Variants in SPON1 observed in about 807,000 individuals in gnomAD.
The protein encoded by SPON1 is spondin 1.
Under a neutral mutation model 111.7 loss-of-function variants are expected in SPON1, and 52 were observed. The observed-to-expected ratio is 0.47, with a 90% confidence interval of 0.37 to 0.59. The LOEUF is 0.59. Ranked by LOEUF, SPON1 falls within the 20% of genes least tolerant of loss-of-function variation. The pLI is 0.00. For synonymous variants in SPON1, 410 were observed against 395.8 expected (o/e 1.04, Z -0.43); for missense variants, 957 against 1,068.5 (o/e 0.90, Z 1.46).
chr11:14,267,026 T>A lies in SPON1; in HGVS notation c.*1339T>A, dbSNP rs1303323111. The A allele has an allele frequency of 1.3e-5, 2 of 152,254 alleles. No individual in the cohort carries two copies. Among genetic ancestry groups the A allele is most frequent in the Non-Finnish European group, 2.9e-5 (2 of 68,048 alleles). The allele number at this position is 152,254 out of a possible 1,614,324, so 9.4% of individuals were successfully genotyped here. ...TTATTGTTGAAAACTATTGTTTCAT[T>A]TCTTCTTTTATAGGCCTTATTACTG... On this transcript the variant is annotated 3_prime_UTR_variant, in exon 16 of 16. Coordinates refer to ENST00000576479, the MANE Select transcript of SPON1 (RefSeq NM_006108.4).
intron 3 of SPON1, among the ~76,000 whole-genome samples, chr11:14,057,844 C>CAAAACAAAAAAA (rs1554919409): frequency 3.2e-5 from 4 of 125,454 alleles, no homozygotes; most frequent in Non-Finnish European, 5.0e-5. Flanking sequence ...AAAAAAAAAA[C>CAAAACAAAAAAA]AAAACAAAAA....
At chr11:14,078,418 G>A (rs1465789912) in intron 4 of SPON1, among the ~76,000 whole-genome samples, 3 of 152,046 alleles carry the variant, frequency 2.0e-5, no homozygotes, top group Non-Finnish European at 4.4e-5. Context: ...ACCTCAGCAT[G>A]TATCTCTGAT....
intron 6 of SPON1, among the ~76,000 whole-genome samples, chr11:14,213,954 A>G (rs936783538): frequency 1.2e-4 from 18 of 152,220 alleles, no homozygotes; most frequent in Admixed American, 2.0e-4. Context: ...AAGCTAGTCC[A>G]TCAAACCCAT....
chr11:14,209,149 T>C (rs1448646023), intron 6 of SPON1, among the ~76,000 whole-genome samples: 8 of 152,210 alleles, frequency 5.3e-5, no homozygotes, highest in African/African-American at 1.7e-4. Flanking sequence ...GTTGCATAGT[T>C]GCACCATTGC....
At chr11:14,045,096 C>T (rs1848658474) in intron 3 of SPON1, among the ~76,000 whole-genome samples, 1 of 152,152 alleles carries the variant, frequency 6.6e-6, no homozygotes, top group Admixed American at 6.5e-5. Flanking sequence ...TTATTAGATG[C>T]TGCCAGATTT....
intron 6 of SPON1, among the ~76,000 whole-genome samples, chr11:14,193,416 C>T (rs533187160): frequency 7.9e-5 from 12 of 152,230 alleles, no homozygotes; most frequent in African/African-American, 2.9e-4. Flanking sequence ...GTGTATAACG[C>T]CCAGGAGGAG....
At chr11:14,183,425 G>A (rs779703428) in intron 6 of SPON1, among the ~76,000 whole-genome samples, 7 of 152,302 alleles carry the variant, frequency 4.6e-5, no homozygotes, top group Middle Eastern at 3.4e-3. Flanking sequence ...CACTTGAACC[G>A]TAAGTATTGC....
intron 6 of SPON1, among the ~76,000 whole-genome samples, chr11:14,238,737 G>A (rs948779009): frequency 6.6e-6 from 1 of 152,158 alleles, no homozygotes; most frequent in South Asian, 2.1e-4. Flanking sequence ...GTAACTGTGA[G>A]GTACAAGTAC....
chr11:14,036,208 A>G (rs547532944), intron 2 of SPON1, among the ~76,000 whole-genome samples: 1 of 152,202 alleles, frequency 6.6e-6, no homozygotes, highest in African/African-American at 2.4e-5. Context: ...ATTATATTGT[A>G]ATGATATTTG....
At chr11:14,027,938 T>TA (rs1254362253) in intron 2 of SPON1, among the ~76,000 whole-genome samples, 6 of 152,198 alleles carry the variant, frequency 3.9e-5, no homozygotes, top group Non-Finnish European at 8.8e-5. Context: ...ATCCCCCAAT[T>TA]ACATGGTTCT....
chr11:14,211,008 T>C (rs540361475), intron 6 of SPON1, among the ~76,000 whole-genome samples: 1 of 152,322 alleles, frequency 6.6e-6, no homozygotes, highest in Admixed American at 6.5e-5. Context: ...TACTGTAGAC[T>C]TGTAGTATAG....
chr11:14,005,335 C>A (rs556794246), intron 2 of SPON1, among the ~76,000 whole-genome samples: 2 of 152,174 alleles, frequency 1.3e-5, no homozygotes, highest in Admixed American at 6.5e-5. Context: ...ATTCTGATGT[C>A]CCCTAGAGAA....
intron 5 of SPON1, among the ~76,000 whole-genome samples, chr11:14,106,443 T>C (rs1315240216): frequency 3.9e-5 from 6 of 151,944 alleles, no homozygotes; most frequent in Non-Finnish European, 8.8e-5. Context: ...AAACAACGAG[T>C]TGAAAAATAT....
At chr11:14,119,468 C>T (rs1849288909) in intron 5 of SPON1, among the ~76,000 whole-genome samples, 1 of 152,166 alleles carries the variant, frequency 6.6e-6, no homozygotes, top group South Asian at 2.1e-4. Flanking sequence ...CCCCACACTC[C>T]CAGGCACTTG....
At chr11:14,235,758 G>C (rs1848858291) in intron 6 of SPON1, among the ~76,000 whole-genome samples, 1 of 147,616 alleles carries the variant, frequency 6.8e-6, no homozygotes, top group African/African-American at 2.5e-5. Context: ...ATGAAGAAAA[G>C]ATAGTGGGAT....
At chr11:14,034,498 G>T (rs1234610810) in intron 2 of SPON1, among the ~76,000 whole-genome samples, 1 of 152,220 alleles carries the variant, frequency 6.6e-6, no homozygotes, top group African/African-American at 2.4e-5. Flanking sequence ...ATGTTTGGAG[G>T]ATTCTCTGGA....
At chr11:14,078,473 G>A (rs996800801) in intron 4 of SPON1, among the ~76,000 whole-genome samples, 1 of 151,968 alleles carries the variant, frequency 6.6e-6, no homozygotes, top group Middle Eastern at 3.4e-3. Context: ...TTTTTTTAGC[G>A]CATCTTTCTT....
intron 2 of SPON1, among the ~76,000 whole-genome samples, chr11:14,002,756 G>A (rs532956245): frequency 2.8e-4 from 42 of 152,240 alleles, no homozygotes; most frequent in Non-Finnish European, 4.9e-4. Context: ...AAGATAGGGG[G>A]CACAGGCATC....
chr11:14,117,411 CA>C (rs1258069796), intron 5 of SPON1, among the ~76,000 whole-genome samples: 3 of 152,048 alleles, frequency 2.0e-5, no homozygotes, highest in Non-Finnish European at 4.4e-5. Flanking sequence ...CAAATATAAT[CA>C]GATACTTTTT....
Sources: gnomAD v4.1 joint callset for allele counts (sites outside exome capture counted in the v4.1 genomes callset) on GRCh38, gnomAD v4.1.1 for gene constraint, MANE v1.5 for transcripts, NCBI Gene and HGNC (gene_info 2026-07-23, HGNC 2026-07-21) for gene names.